The following GEMIN8 variants were observed in gnomAD, a reference collection of about 807,000 sequenced individuals.
GEMIN8 encodes gem nuclear organelle associated protein 8.
For missense variants in GEMIN8, 185 were observed against 205.9 expected, an observed-to-expected ratio of 0.90 and a Z score of 0.62; for synonymous variants, 80 against 78.5, an observed-to-expected ratio of 1.02 and a Z score of -0.10.
In GEMIN8 at chrX:14,008,695, T is replaced by C. The variant is rs1326028862; in HGVS notation, c.*218A>G. On this transcript the variant is annotated 3_prime_UTR_variant, in exon 5 of 5. Transcript: ENST00000680255. ...ATAGTATATGCAAAATTATTTTATG[T>C]CAGGAGAAAATTTATCATGTTGGCA... 1.2e-5 allele frequency: 5 copies of C among 425,808 alleles called. No homozygotes were observed. Among genetic ancestry groups the C allele is most frequent in the Non-Finnish European group, 2.0e-5 (5 of 246,081 alleles). The allele number at this position is 425,808 out of a possible 1,213,427, so 35.1% of individuals were successfully genotyped here. A position where few individuals can be genotyped will look rare whatever the true frequency, so the allele number is the denominator to read the frequency against.
chrX:14,029,499 G>C (rs764715733), intron 1 of GEMIN8: 1 of 112,014 alleles, frequency 8.9e-6, no homozygotes, highest in African/African-American at 3.2e-5. Context: ...GTCCGGGATG[G>C]GGGCCCGGGG....
chrX:13,998,071 T>C, the GEMIN8 span, among the ~76,000 whole-genome samples: 12 of 107,585 alleles, frequency 1.1e-4, no homozygotes, highest in Non-Finnish European at 2.3e-4. Flanking sequence ...ATTCTTACCA[T>C]TTTTGCTTTT....
chrX:13,990,978 C>T, the GEMIN8 span, among the ~76,000 whole-genome samples: 1 of 112,631 alleles, frequency 8.9e-6, no homozygotes, highest in East Asian at 2.8e-4. Flanking sequence ...GTAATCCTTC[C>T]ACCTTGGCCC....
chrX:14,013,564 G>A (rs768982984), intron 4 of GEMIN8, among the ~76,000 whole-genome samples: 6 of 111,223 alleles, frequency 5.4e-5, no homozygotes, highest in African/African-American at 2.0e-4. Flanking sequence ...ACTGGATTAG[G>A]GTGGACCCTA....
chrX:14,016,292 G>A (rs999796214), intron 4 of GEMIN8, among the ~76,000 whole-genome samples: 1 of 112,021 alleles, frequency 8.9e-6, no homozygotes, highest in Non-Finnish European at 1.9e-5. Context: ...ACAAAGAATT[G>A]AAAGCTTGTT....
downstream of GEMIN8, among the ~76,000 whole-genome samples, chrX:14,006,443 G>C (rs1359089286): frequency 2.7e-5 from 3 of 110,741 alleles, no homozygotes; most frequent in Non-Finnish European, 5.7e-5. Flanking sequence ...GTAGGATTTA[G>C]AAGAAAAAAA....
intron 4 of GEMIN8, among the ~76,000 whole-genome samples, chrX:14,011,138 G>A (rs1290526151): frequency 6.2e-5 from 7 of 112,005 alleles, no homozygotes; most frequent in African/African-American, 2.3e-4. Context: ...CTCCCTGGGG[G>A]CATCTCTGTT....
chrX:13,994,646 T>G, the GEMIN8 span, among the ~76,000 whole-genome samples: 1 of 112,137 alleles, frequency 8.9e-6, no homozygotes, highest in South Asian at 3.7e-4. Context: ...TGAAACCTCA[T>G]GGGTGGCTGC....
rs1923319906 is a variant in GEMIN8, at chrX:14,008,738, G to T, written c.*175C>A. On this transcript the variant is annotated 3_prime_UTR_variant, in exon 5 of 5. Transcript: ENST00000680255. The stretch of plus-strand genomic sequence containing the variant: ...TGTTGGCAACAGAACATGTCCTGCA[G>T]ACCTCCAAGTGGCTGGCATAGTACA... The T allele has an allele frequency of 4.1e-6, 2 of 484,577 alleles. No individual in the cohort carries two copies. The highest frequency in any genetic ancestry group is 4.7e-5 in the African/African-American group (2 of 42,537). 39.9% of individuals were successfully genotyped at this position (484,577 alleles called of 1,213,427 possible). A position where few individuals can be genotyped will look rare whatever the true frequency, so the allele number is the denominator to read the frequency against.
chrX:14,005,903 GT>G (rs1253550691), downstream of GEMIN8, among the ~76,000 whole-genome samples: 1 of 111,429 alleles, frequency 9.0e-6, no homozygotes, highest in Admixed American at 9.5e-5. Flanking sequence ...GAAAAAAGAA[GT>G]TTGTTTTTTC....
At chrX:14,013,344 G>A (rs771506159) in intron 4 of GEMIN8, among the ~76,000 whole-genome samples, 1 of 112,149 alleles carries the variant, frequency 8.9e-6, no homozygotes, top group African/African-American at 3.2e-5. Flanking sequence ...AGGACTCAAT[G>A]TTGCCATACA....
the GEMIN8 span, among the ~76,000 whole-genome samples, chrX:13,994,179 A>G: frequency 8.9e-6 from 1 of 112,017 alleles, no homozygotes; most frequent in Non-Finnish European, 1.9e-5. Flanking sequence ...GTGGGATCCA[A>G]GTGACTCTAA....
intron 4 of GEMIN8, chrX:14,014,179 T>C: frequency 4.0e-6 from 3 of 752,396 alleles, no homozygotes; most frequent in Non-Finnish European, 4.7e-6. Flanking sequence ...TTTTTTCCCC[T>C]CACTTTCCTA....
rs188245775 is a variant in GEMIN8 at position 14,007,024 on chromosome X, G to T, written c.*1889C>A. Among the ~76,000 whole-genome samples the T allele has an allele frequency of 2.3e-3, 258 of 112,222 alleles. 1 individual carries two copies. Among genetic ancestry groups the T allele is most frequent in the African/African-American group, 7.9e-3 (244 of 30,857 alleles). ...GGCTTTGGTTTGTACTTGTATCTCA[G>T]TCACAGTTATTTTATAGTTAGGCAT... On this transcript the variant is annotated 3_prime_UTR_variant, in exon 5 of 5. Transcript: ENST00000680255.
the GEMIN8 span, among the ~76,000 whole-genome samples, chrX:13,985,685 C>T: frequency 5.1e-4 from 57 of 111,732 alleles, no homozygotes; most frequent in African/African-American, 1.7e-3. Flanking sequence ...GTACACACAA[C>T]TCTTTTTCTG....
the GEMIN8 span, among the ~76,000 whole-genome samples, chrX:13,997,952 A>C: frequency 9.2e-6 from 1 of 109,064 alleles, no homozygotes; most frequent in Non-Finnish European, 1.9e-5. Flanking sequence ...AAAATCCCGG[A>C]GGCAAGAATA....
chrX:14,010,131 T>C (rs1201031538), intron 4 of GEMIN8, among the ~76,000 whole-genome samples: 1 of 112,193 alleles, frequency 8.9e-6, no homozygotes, highest in Non-Finnish European at 1.9e-5. Flanking sequence ...ACTTCATAGG[T>C]TGGCCTAGGT....
intron 4 of GEMIN8, among the ~76,000 whole-genome samples, chrX:14,018,771 T>C (rs1370408008): frequency 6.9e-5 from 7 of 101,811 alleles, no homozygotes; most frequent in African/African-American, 7.2e-5. Context: ...CTTTTCTTTT[T>C]TTTTTTTTTT....
chrX:14,023,416 G>A (rs1340654989), intron 2 of GEMIN8, among the ~76,000 whole-genome samples: 1 of 104,314 alleles, frequency 9.6e-6, no homozygotes, highest in Non-Finnish European at 1.9e-5. Flanking sequence ...GTCTCACACT[G>A]TCACCCAGGC....
Sources: allele counts gnomAD v4.1 joint callset (sites outside exome capture counted in the v4.1 genomes callset), GRCh38; gene constraint gnomAD v4.1.1; transcripts MANE v1.5; gene names NCBI Gene and HGNC (gene_info 2026-07-23, HGNC 2026-07-21).